LIMD1: variants seen among roughly 807,000 people sequenced by gnomAD.
LIMD1 encodes the protein LIM domain-containing protein 1.
A neutral mutation model predicts 58.4 loss-of-function variants in LIMD1; 23 were observed. The ratio of observed to expected loss-of-function variants is 0.39; its 90% CI spans 0.28 to 0.56. LIMD1 has a LOEUF of 0.56. LIMD1 is among the 20% of genes least tolerant of loss of function. The pLI, the probability that LIMD1 is intolerant of heterozygous loss-of-function variation, is 0.57. For missense variants in LIMD1, 838 were observed against 855.5 expected, an observed-to-expected ratio of 0.98 and a Z score of 0.25; for synonymous variants, 334 against 345.5, an observed-to-expected ratio of 0.97 and a Z score of 0.37.
intron 2 of LIMD1, among the ~76,000 whole-genome samples, chr3:45,645,463 T>C (rs991903983): frequency 2.0e-5 from 3 of 152,220 alleles, no homozygotes; most frequent in Non-Finnish European, 2.9e-5. Flanking sequence ...ATATTGCACA[T>C]GTCTGGTTTT....
At chr3:45,665,461 T>TC (rs950064648) in intron 2 of LIMD1, among the ~76,000 whole-genome samples, 189 bp from the exon 3 acceptor site, 13 of 152,224 alleles carry the variant, frequency 8.5e-5, no homozygotes, top group Admixed American at 2.6e-4. Flanking sequence ...GCACCCTTCC[T>TC]CCCGGCCTCA....
intron 6 of LIMD1, 65 bp from the exon 7 acceptor site, chr3:45,674,278 A>C: frequency 7.7e-7 from 1 of 1,302,698 alleles, no homozygotes; most frequent in South Asian, 1.2e-5. Flanking sequence ...ACCCCACGGT[A>C]CATCAAGCCC....
rs182510025 is a variant in LIMD1, at chr3:45,659,392, C to T, written c.1511-6258C>T. On this transcript the variant is annotated intron_variant, in intron 2 of 7. Transcript: ENST00000273317. Reference sequence around the variant, plus strand: ...CTTGAGCCCAGGAGTTGTTGACTAGCCTTAGACAACATGGCGAAACACTGT... The same window carrying T: ...CTTGAGCCCAGGAGTTGTTGACTAGTCTTAGACAACATGGCGAAACACTGT... Among the ~76,000 whole-genome samples, 81 of 152,178 alleles carry T rather than the reference C, an allele frequency of 5.3e-4. No homozygotes were observed. In the Middle Eastern group the frequency reaches 0.01, roughly 19 times the overall value.
chr3:45,628,956 A>G (rs1701698040), intron 1 of LIMD1, among the ~76,000 whole-genome samples: 1 of 152,226 alleles, frequency 6.6e-6, no homozygotes, highest in South Asian at 2.1e-4. Context: ...ATAAACTAGA[A>G]AAGACAAGCT....
chr3:45,652,198 A>G (rs1248753905), intron 2 of LIMD1, among the ~76,000 whole-genome samples: 2 of 152,328 alleles, frequency 1.3e-5, no homozygotes, highest in East Asian at 1.9e-4. Flanking sequence ...AAGTGCTGGC[A>G]TTACAGGTGA....
intron 1 of LIMD1, among the ~76,000 whole-genome samples, chr3:45,612,715 T>A (rs1210868085): frequency 2.6e-5 from 4 of 152,236 alleles, no homozygotes; most frequent in Admixed American, 6.5e-5. Flanking sequence ...TCTGATTTTT[T>A]AAAATCATTT....
In LIMD1 at chr3:45,677,092, T is replaced by A; in HGVS notation, c.*33T>A. 3.7e-6 allele frequency: 6 copies of A among 1,602,776 alleles called. No homozygotes were observed. The highest frequency in any genetic ancestry group is 5.1e-6 in the Non-Finnish European group (6 of 1,173,658). Reference sequence around the variant, plus strand: ...CACTTGCAGACATCACGGCAGGGGATGAGGAGCCGGGGTTGCTGCTGCTGC... The same window carrying A: ...CACTTGCAGACATCACGGCAGGGGAAGAGGAGCCGGGGTTGCTGCTGCTGC... On this transcript the variant is annotated 3_prime_UTR_variant, in exon 8 of 8. Transcript: ENST00000273317.
At chr3:45,613,932 C>A (rs1312335760) in intron 1 of LIMD1, among the ~76,000 whole-genome samples, 5 of 152,082 alleles carry the variant, frequency 3.3e-5, no homozygotes, top group African/African-American at 7.2e-5. Flanking sequence ...AGTGGCCGTG[C>A]CACTTAGCAT....
intron 2 of LIMD1, among the ~76,000 whole-genome samples, chr3:45,649,119 C>T (rs907922698): frequency 1.3e-5 from 2 of 151,840 alleles, no homozygotes; most frequent in African/African-American, 4.8e-5. Flanking sequence ...ATTGGCTGAC[C>T]CAAGGTCACA....
At chr3:45,671,887 T>G (rs1488829844) in intron 4 of LIMD1, among the ~76,000 whole-genome samples, 1 of 152,210 alleles carries the variant, frequency 6.6e-6, no homozygotes, top group Admixed American at 6.5e-5. Flanking sequence ...CATGATGAGT[T>G]AATTCAGTTA....
intron 2 of LIMD1, among the ~76,000 whole-genome samples, chr3:45,658,535 C>CTTTTTTTTTTTTTTTTTTTTTT (rs10572210): frequency 2.2e-5 from 1 of 44,738 alleles, no homozygotes; most frequent in Non-Finnish European, 4.5e-5. Context: ...CATGCAGATT[C>CTTTTTTTTTTTTTTTTTTTTTT]TTTTTTTTTT....
At chr3:45,665,175 A>T (rs768964762) in intron 2 of LIMD1, among the ~76,000 whole-genome samples, 1 of 152,026 alleles carries the variant, frequency 6.6e-6, no homozygotes, top group Non-Finnish European at 1.5e-5. Context: ...TGAGAAAAAG[A>T]TAGGAAAATA....
intron 1 of LIMD1, among the ~76,000 whole-genome samples, chr3:45,629,212 GA>G (rs1559518330): frequency 6.6e-6 from 1 of 152,050 alleles, no homozygotes; most frequent in Non-Finnish European, 1.5e-5. Context: ...AGGAGTTCAA[GA>G]CCAGCCTGAC....
At chr3:45,654,399 C>A (rs1281842778) in intron 2 of LIMD1, among the ~76,000 whole-genome samples, 1 of 152,096 alleles carries the variant, frequency 6.6e-6, no homozygotes, top group South Asian at 2.1e-4. Context: ...TATTATTGCA[C>A]GTTTTAGTTT....
chr3:45,595,997 G>T lies in LIMD1; in HGVS notation c.1118G>T (p.Gly373Val). 1 of 1,614,208 alleles carries T rather than the reference G, an allele frequency of 6.2e-7. No individual in the cohort carries two copies. The highest frequency in any genetic ancestry group is 8.5e-7 in the Non-Finnish European group (1 of 1,180,034). ...GAVPGLGPKP[G>V]CTDLGTGPKL... is the part of the protein sequence containing the mutation. ...GTCCCTGGGCTGGGGCCGAAGCCTGGCTGCACAGACCTTGGCACTGGTCCC... is the reference window on the plus strand; with the variant it reads ...GTCCCTGGGCTGGGGCCGAAGCCTGTCTGCACAGACCTTGGCACTGGTCCC... Residue 373 changes from glycine (G) to valine (V), a missense_variant, in exon 1 of 8, where the codon GGC becomes GTC. Coordinates refer to ENST00000273317, the MANE Select transcript of LIMD1 (RefSeq NM_014240.3).
At chr3:45,630,982 T>A (rs947808624) in intron 1 of LIMD1, among the ~76,000 whole-genome samples, 1 of 152,092 alleles carries the variant, frequency 6.6e-6, no homozygotes, top group African/African-American at 2.4e-5. Flanking sequence ...GGCGGGCGGA[T>A]CACCTGAGGT....
intron 1 of LIMD1, among the ~76,000 whole-genome samples, chr3:45,619,479 A>G (rs1386750266): frequency 6.6e-6 from 1 of 152,214 alleles, no homozygotes; most frequent in Non-Finnish European, 1.5e-5. Context: ...GACAGTCACT[A>G]AAAATTATTT....
At chr3:45,660,889 A>G (rs1003020397) in intron 2 of LIMD1, among the ~76,000 whole-genome samples, 13 of 152,128 alleles carry the variant, frequency 8.5e-5, no homozygotes, top group Non-Finnish European at 1.3e-4. Flanking sequence ...TTATAGAGAG[A>G]AAGTTTAAGT....
Position 45,618,220 on chromosome 3 carries a change from G to C in LIMD1, c.1409-17930G>C, listed in dbSNP as rs139837660. On this transcript the variant is annotated intron_variant, in intron 1 of 7. Coordinates refer to ENST00000273317, the MANE Select transcript of LIMD1 (RefSeq NM_014240.3). The stretch of plus-strand genomic sequence containing the variant: ...CGTGCTGAGTGGGGAGATGGGAGCA[G>C]GGAGCTGTGAGAAGGAGAGAAGCTA... Among the ~76,000 whole-genome samples the C allele has an allele frequency of 2.0e-3, 301 of 152,326 alleles. 6 individuals carry two copies. The highest frequency in any genetic ancestry group is 6.6e-3 in the African/African-American group (274 of 41,566).
Sources: gnomAD v4.1 joint callset for allele counts (sites outside exome capture counted in the v4.1 genomes callset) on GRCh38, gnomAD v4.1.1 for gene constraint, MANE v1.5 for transcripts, NCBI Gene and HGNC (gene_info 2026-07-23, HGNC 2026-07-21) for gene names.